TXNDC11: variants seen among roughly 807,000 people sequenced by gnomAD.
The protein encoded by TXNDC11 is thioredoxin domain containing 11, also known as thioredoxin domain-containing protein 11.
In TXNDC11, 68 loss-of-function variants were observed where a neutral mutation model predicts 78.0. The observed-to-expected ratio is 0.87, with a 90% confidence interval of 0.72 to 1.07. The LOEUF is 1.07. Ranked by LOEUF, TXNDC11 falls within the 50% of genes least tolerant of loss-of-function variation. The pLI is 0.00. For synonymous variants in TXNDC11, 571 were observed against 495.2 expected, an observed-to-expected ratio of 1.15 and a Z score of -2.03; for missense variants, 1,389 against 1,221.8, an observed-to-expected ratio of 1.14 and a Z score of -2.04.
chr16:11,704,920 T>C (rs907979930), intron 5 of TXNDC11, among the ~76,000 whole-genome samples: 3 of 151,786 alleles, frequency 2.0e-5, no homozygotes, highest in African/African-American at 7.3e-5. Flanking sequence ...TCTTTCTTTT[T>C]TTTTTTTGAG....
At position 11,721,611 on chromosome 16, in the gene TXNDC11, G is replaced by T; in HGVS notation, c.759C>A (p.Thr253=). 6.2e-7 allele frequency: 1 copy of T among 1,611,804 alleles called. No individual in the cohort carries two copies. Among genetic ancestry groups the T allele is most frequent in the South Asian group, 1.1e-5 (1 of 90,992 alleles). The change falls in exon 5 of 12, where the codon ACC becomes ACA. Residue 253 remains threonine (T), a synonymous_variant. Transcript: ENST00000283033. ...SGSPQPPGYL[T]FFTSALHSLK... ...ATGAATGTAATGCTGAGGTGAAGAAGGTCAAATAACCAGGAGGCTGGGGTG... is the reference window on the plus strand; with the variant it reads ...ATGAATGTAATGCTGAGGTGAAGAATGTCAAATAACCAGGAGGCTGGGGTG...
chr16:11,680,179 CG>C (rs1359376381), intron 11 of TXNDC11, among the ~76,000 whole-genome samples: 6 of 152,194 alleles, frequency 3.9e-5, no homozygotes, highest in African/African-American at 1.4e-4. Context: ...TCTGTGTGCT[CG>C]GAGATGCCCA....
At chr16:11,709,423 A>ATTTTTT (rs149701958) in intron 5 of TXNDC11, among the ~76,000 whole-genome samples, 14 of 55,592 alleles carry the variant, frequency 2.5e-4, no homozygotes, top group African/African-American at 7.1e-4. Flanking sequence ...AATTTTTTGT[A>ATTTTTT]TTTTTTTTTT....
chr16:11,709,250 GC>G, intron 5 of TXNDC11, among the ~76,000 whole-genome samples: 1 of 122,856 alleles, frequency 8.1e-6, no homozygotes, highest in Non-Finnish European at 1.8e-5. Context: ...TAACTTATAA[GC>G]TGTGATTCTT....
intron 5 of TXNDC11, among the ~76,000 whole-genome samples, chr16:11,707,297 T>C (rs1242330872): frequency 6.6e-6 from 1 of 150,540 alleles, no homozygotes; most frequent in African/African-American, 2.5e-5. Flanking sequence ...CAGGCGCCTG[T>C]AGTCCCAGCT....
chr16:11,742,463 C>A lies in TXNDC11; in HGVS notation c.254+14G>T. 1 of 1,412,262 alleles carries A rather than the reference C, an allele frequency of 7.1e-7. No individual in the cohort carries two copies. Among genetic ancestry groups the A allele is most frequent in the South Asian group, 1.5e-5 (1 of 67,130 alleles). The allele number at this position is 1,412,262 out of a possible 1,614,324, so 87.5% of individuals were successfully genotyped here. On this transcript the variant is annotated intron_variant, in intron 1 of 11. Coordinates refer to ENST00000283033, the MANE Select transcript of TXNDC11 (RefSeq NM_015914.7). ...GAGCGCCCTAGCGGGGCCCCAGGGT[C>A]CGGGCCGCCTCACCTGCAGGTGAAC... is the stretch of plus-strand genomic sequence containing the variant.
In TXNDC11 at chr16:11,680,494, TAGAA is replaced by T. The variant is rs1311153012; in HGVS notation, c.2235-661_2235-658del. 5.3e-5 allele frequency among the ~76,000 whole-genome samples: 8 copies of T among 152,230 alleles called. No homozygotes were observed. In the East Asian group the frequency reaches 9.7e-4, roughly 18 times the overall value. ...CACAGAATAAGGAAGGAAGGTGACA[TAGAA>T]AGGGGTTTTCCCTACAGCTTTGTTC... On this transcript the variant is annotated intron_variant, in intron 11 of 11. Transcript: ENST00000283033.
intron 8 of TXNDC11, chr16:11,690,064 T>A (rs1356022959): frequency 1.3e-5 from 2 of 152,204 alleles, no homozygotes; most frequent in African/African-American, 2.4e-5. Context: ...CTAAAAAGAC[T>A]CATATGTAGA....
At chr16:11,697,972 T>TA (rs1277560135) in intron 7 of TXNDC11, among the ~76,000 whole-genome samples, 153 bp downstream of exon 7, 12 of 152,162 alleles carry the variant, frequency 7.9e-5, no homozygotes, top group African/African-American at 2.9e-4. Flanking sequence ...CTCCTGCCCA[T>TA]ATGGAGGGGC....
chr16:11,687,649 C>T (rs749384376), intron 10 of TXNDC11, among the ~76,000 whole-genome samples: 27 of 152,344 alleles, frequency 1.8e-4, no homozygotes, highest in Non-Finnish European at 3.5e-4. Flanking sequence ...TAAACATCAA[C>T]ATCATGGAAG....
intron 11 of TXNDC11, among the ~76,000 whole-genome samples, chr16:11,683,748 C>CTTTTTTTTTTTTTTTTT (rs36114425): frequency 9.1e-6 from 1 of 109,326 alleles, no homozygotes; most frequent in African/African-American, 3.6e-5. Flanking sequence ...CCTAAGGACA[C>CTTTTTTTTTTTTTTTTT]TTTTTTTTTT....
intron 7 of TXNDC11, among the ~76,000 whole-genome samples, chr16:11,694,126 T>TTTTTTA (rs2050794255): frequency 9.5e-6 from 1 of 105,360 alleles, no homozygotes; most frequent in African/African-American, 3.0e-5. Flanking sequence ...TTTTTTTTTT[T>TTTTTTA]GAGACAGAGT....
At chr16:11,710,334 C>G (rs1258211890) in intron 5 of TXNDC11, among the ~76,000 whole-genome samples, 1 of 92,952 alleles carries the variant, frequency 1.1e-5, no homozygotes. Flanking sequence ...AGGTCTCTGT[C>G]ACGTTCTCTT....
intron 5 of TXNDC11, 46 bp from the exon 6 acceptor site, chr16:11,700,610 A>G: frequency 1.1e-6 from 1 of 929,780 alleles, no homozygotes; most frequent in Non-Finnish European, 1.8e-6. Context: ...CCTGTGCCTT[A>G]AAACAACCAC....
chr16:11,725,844 T>C (rs1439000196), intron 4 of TXNDC11, among the ~76,000 whole-genome samples: 1 of 152,208 alleles, frequency 6.6e-6, no homozygotes, highest in Non-Finnish European at 1.5e-5. Context: ...GGCAAAACTG[T>C]TGTCCTAGAA....
intron 4 of TXNDC11, among the ~76,000 whole-genome samples, chr16:11,724,607 A>G (rs1032641412): frequency 3.9e-5 from 6 of 152,158 alleles, no homozygotes; most frequent in Non-Finnish European, 8.8e-5. Flanking sequence ...CTATAAAATA[A>G]AAATAAAAAT....
At chr16:11,696,896 C>G (rs2050874357) in intron 7 of TXNDC11, among the ~76,000 whole-genome samples, 1 of 152,152 alleles carries the variant, frequency 6.6e-6, no homozygotes, top group African/African-American at 2.4e-5. Context: ...CTGACACACC[C>G]AAACCAGACA....
chr16:11,701,883 C>T (rs2141035202), intron 5 of TXNDC11, among the ~76,000 whole-genome samples: 2 of 152,216 alleles, frequency 1.3e-5, no homozygotes, highest in South Asian at 4.1e-4. Context: ...GCTGGGATTT[C>T]CACTGCTAAG....
chr16:11,695,749 T>C (rs1046986584), intron 7 of TXNDC11, among the ~76,000 whole-genome samples: 3 of 152,158 alleles, frequency 2.0e-5, no homozygotes, highest in Admixed American at 6.5e-5. Context: ...AAGACTTGTA[T>C]GGGCCAGGTG....
Sources: gnomAD v4.1 joint callset for allele counts (sites outside exome capture counted in the v4.1 genomes callset) on GRCh38, gnomAD v4.1.1 for gene constraint, MANE v1.5 for transcripts, NCBI Gene and HGNC (gene_info 2026-07-23, HGNC 2026-07-21) for gene names.